PDIA3: variants seen among roughly 807,000 people sequenced by gnomAD.
The protein encoded by PDIA3 is protein disulfide isomerase family A member 3.
In PDIA3, 16 loss-of-function variants were observed where a neutral mutation model predicts 56.9. The observed-to-expected ratio is 0.28, with a 90% CI of 0.19 to 0.43. The LOEUF is 0.43. Ranked by LOEUF, PDIA3 falls within the 20% of genes least tolerant of loss-of-function variation. The pLI is 1.00. For missense variants in PDIA3, 485 were observed against 621.3 expected (o/e 0.78, Z 2.33); for synonymous variants, 192 against 216.5 (o/e 0.89, Z 0.99).
At chr15:43,746,777 T>C (rs2086709147) in intron 1 of PDIA3, 71 bp downstream of exon 1, 2 of 1,536,384 alleles carry the variant, frequency 1.3e-6, no homozygotes, top group South Asian at 1.1e-5. Flanking sequence ...GGGGAACTGT[T>C]GGGCCTACGC....
At position 43,768,491 on chromosome 15, in the gene PDIA3, G is replaced by A. The variant is rs61742242; in HGVS notation, c.1031G>A (p.Arg344His). ...EKFVMQEEFSRDGKALERFLQ... is the reference protein window; with the variant it reads ...EKFVMQEEFSHDGKALERFLQ... ...TTACCCTTGTTTTCCAATTGTAGGC[G>A]TGATGGGAAGGCTCTGGAGAGGTTC... The change falls in exon 9 of 13, where the codon CGT (arginine) becomes CAT (histidine). Residue 344 changes from arginine (R) to histidine (H), a missense_variant and splice_region_variant. Physicochemically the swap from Arg to His is conservative, Grantham distance 29. Transcript: ENST00000300289. 1.2e-6 allele frequency: 2 copies of A among 1,610,360 alleles called. No individual in the cohort carries two copies. Among genetic ancestry groups the A allele is most frequent in the Non-Finnish European group, 1.7e-6 (2 of 1,176,652 alleles).
rs535800039 is a variant in PDIA3, at chr15:43,753,839, G to A, written c.183G>A (p.Lys61=). 1 of 1,613,368 alleles carries A rather than the reference G, an allele frequency of 6.2e-7. No individual in the cohort carries two copies. The highest frequency in any genetic ancestry group is 8.5e-7 in the Non-Finnish European group (1 of 1,179,328). Residue 61 remains lysine (K), a synonymous_variant, in exon 2 of 13, where the codon AAG becomes AAA. Coordinates refer to ENST00000300289, the MANE Select transcript of PDIA3 (RefSeq NM_005313.5). ...EFFAPWCGHC[K]RLAPEYEAAA... ...ACGTATATAGGTGTGGACACTGCAA[G>A]AGACTTGCACCTGAGTATGAAGCTG...
chr15:43,755,123 C>T (rs528438916), intron 2 of PDIA3, among the ~76,000 whole-genome samples: 11 of 151,864 alleles, frequency 7.2e-5, no homozygotes, highest in African/African-American at 2.4e-4. Context: ...GTCAAGAGTT[C>T]GAGACCCGCC....
intron 1 of PDIA3, chr15:43,751,858 T>C: frequency 2.4e-6 from 2 of 816,964 alleles, no homozygotes; most frequent in Non-Finnish European, 3.4e-6. Context: ...CTATTGTATG[T>C]GATTTTTTTC....
intron 1 of PDIA3, 135 bp from the exon 2 acceptor site, chr15:43,753,689 A>G: frequency 1.6e-6 from 1 of 639,428 alleles, no homozygotes; most frequent in South Asian, 1.8e-5. Flanking sequence ...AATGTTGTTC[A>G]TGTGATGATT....
At chr15:43,753,091 AC>A in intron 1 of PDIA3, 1 of 254,940 alleles carries the variant, frequency 3.9e-6, no homozygotes, top group Non-Finnish European at 7.5e-6. Flanking sequence ...CCCCACCCCC[AC>A]CCCGAGACAG....
At chr15:43,762,178 G>A (rs2086820379) in intron 4 of PDIA3, among the ~76,000 whole-genome samples, 5 of 152,032 alleles carry the variant, frequency 3.3e-5, no homozygotes, top group Admixed American at 2.0e-4. Context: ...AAACATAAAA[G>A]CTATGTTTGT....
intron 10 of PDIA3, among the ~76,000 whole-genome samples, chr15:43,770,006 TAG>T (rs1357282877): frequency 6.6e-6 from 1 of 152,166 alleles, no homozygotes; most frequent in Admixed American, 6.5e-5. Flanking sequence ...TGGCAATATG[TAG>T]AGTCTTAATA....
Position 43,770,676 on chromosome 15 carries a change from A to T in PDIA3, c.1404+96A>T, listed in dbSNP as rs7181912. On this transcript the variant is annotated intron_variant, in intron 12 of 12. Transcript: ENST00000300289. ...TTAATTGGGTTTATTTATTTATTTA[A>T]TTATTTTTTGAGACGGAGTTTCGCT... is the stretch of plus-strand genomic sequence containing the variant. 0.82 allele frequency: 702,078 copies of T among 855,458 alleles called. 289,206 individuals are homozygous for T. The highest frequency in any genetic ancestry group is 0.99 in the East Asian group (37,183 of 37,558). 53.0% of individuals were successfully genotyped at this position (855,458 alleles called of 1,614,324 possible). A position where few individuals can be genotyped will look rare whatever the true frequency, so the allele number is the denominator to read the frequency against.
intron 3 of PDIA3, among the ~76,000 whole-genome samples, chr15:43,760,477 C>T (rs1014200239): frequency 6.7e-6 from 1 of 150,202 alleles, no homozygotes; most frequent in South Asian, 2.1e-4. Flanking sequence ...AACTGTGGCA[C>T]ATTTATAGTG....
At position 43,770,345 on chromosome 15, in the gene PDIA3, C is replaced by T. The variant is rs1346646837; in HGVS notation, c.1346+16C>T. On this transcript the variant is annotated intron_variant, in intron 11 of 12. Coordinates refer to ENST00000300289, the MANE Select transcript of PDIA3 (RefSeq NM_005313.5). Reference sequence around the variant, plus strand: ...AAGTCAGAGGGTAAGTGGCTTAAAACTTAACAAAAGTGTCTAGGCAATAGA... The same window carrying T: ...AAGTCAGAGGGTAAGTGGCTTAAAATTTAACAAAAGTGTCTAGGCAATAGA... 2 of 1,603,430 alleles carry T rather than the reference C, an allele frequency of 1.2e-6. No homozygotes were observed. Among genetic ancestry groups the T allele is most frequent in the African/African-American group, 1.3e-5 (1 of 74,716 alleles).
chr15:43,765,894 A>G lies in PDIA3; in HGVS notation c.727A>G (p.Ile243Val). 1 of 1,608,370 alleles carries G rather than the reference A, an allele frequency of 6.2e-7. No homozygotes were observed. The highest frequency in any genetic ancestry group is 1.1e-5 in the South Asian group (1 of 89,408). ...TGGATTATTTCATTTCAGTTTTGGT[A>G]TCTGCCCTCACATGACAGAAGACAA... ...KKFIQENIFGICPHMTEDNKD... is the reference protein window; with the variant it reads ...KKFIQENIFGVCPHMTEDNKD... The change falls in exon 7 of 13, where the codon ATC (isoleucine) becomes GTC (valine). Residue 243 changes from isoleucine to valine, a missense_variant. Coordinates refer to ENST00000300289, the MANE Select transcript of PDIA3 (RefSeq NM_005313.5).
rs747982647 is a variant in PDIA3, at chr15:43,768,533, A to G, written c.1073A>G (p.Asp358Gly). The G allele has an allele frequency of 6.2e-7, 1 of 1,614,018 alleles. No individual in the cohort carries two copies. Among genetic ancestry groups the G allele is most frequent in the Non-Finnish European group, 8.5e-7 (1 of 1,179,914 alleles). ...ALERFLQDYF[D>G]GNLKRYLKSE... ...GAGAGGTTCCTGCAGGATTACTTTG[A>G]TGGCAATCTGAAGAGATACCTGAAG... Residue 358 changes from aspartate to glycine, a missense_variant, in exon 9 of 13, where the codon GAT becomes GGT. Physicochemically the swap from Asp to Gly is moderately conservative, Grantham distance 94 (BLOSUM62 -1). Coordinates refer to ENST00000300289, the MANE Select transcript of PDIA3 (RefSeq NM_005313.5).
At chr15:43,746,799 C>G in intron 1 of PDIA3, 93 bp downstream of exon 1, 1 of 1,387,712 alleles carries the variant, frequency 7.2e-7, no homozygotes. Context: ...GCGCCGGGGC[C>G]CTTCATTCCT....
In PDIA3 at chr15:43,772,415, C is replaced by G. The variant is rs1194030314; in HGVS notation, c.*1197C>G. The G allele has an allele frequency of 6.6e-6, 1 of 152,200 alleles. No individual in the cohort carries two copies. The highest frequency in any genetic ancestry group is 2.4e-5 in the African/African-American group (1 of 41,450). The allele number at this position is 152,200 out of a possible 1,614,324, so 9.4% of individuals were successfully genotyped here. On this transcript the variant is annotated 3_prime_UTR_variant, in exon 13 of 13. Coordinates refer to ENST00000300289, the MANE Select transcript of PDIA3 (RefSeq NM_005313.5). ...TAGAGCCTTATAGTAAAGTATGTAT[C>G]TTGGTCACACACAAAGCTTGGAAAA...
chr15:43,753,912 G>A lies in PDIA3; in HGVS notation c.246+10G>A. ...AGTCCCATTAGCAAAGGTAAGTACA[G>A]GTGGATTCTTCACTAAAGGACGTGA... On this transcript the variant is annotated intron_variant, in intron 2 of 12. Coordinates refer to ENST00000300289, the MANE Select transcript of PDIA3 (RefSeq NM_005313.5). The A allele has an allele frequency of 1.9e-6, 3 of 1,587,004 alleles. No homozygotes were observed. The highest frequency in any genetic ancestry group is 2.6e-6 in the Non-Finnish European group (3 of 1,155,570).
In PDIA3 at chr15:43,769,656, A is replaced by C. The variant is rs565621598; in HGVS notation, c.1266+10A>C. Reference sequence around the variant, plus strand: ...AGAACTTGGCGAGAAGGTAAGTGTGAACCCTATTCTGAGGATAACATTTGA... The same window carrying C: ...AGAACTTGGCGAGAAGGTAAGTGTGCACCCTATTCTGAGGATAACATTTGA... On this transcript the variant is annotated intron_variant, in intron 10 of 12. Transcript: ENST00000300289. 3 of 1,613,086 alleles carry C rather than the reference A, an allele frequency of 1.9e-6. No individual in the cohort carries two copies. Among genetic ancestry groups the C allele is most frequent in the South Asian group, 2.2e-5 (2 of 90,904 alleles).
At chr15:43,746,757 G>A (rs779246468) in intron 1 of PDIA3, 51 bp downstream of exon 1, 2 of 1,596,880 alleles carry the variant, frequency 1.3e-6, no homozygotes, top group South Asian at 1.1e-5. Flanking sequence ...TGGGCCGGGG[G>A]CGAGAGCGCG....
chr15:43,771,261 G>C lies in PDIA3; in HGVS notation c.*43G>C, dbSNP rs781352135. 1.5e-6 allele frequency: 2 copies of C among 1,292,620 alleles called. No individual in the cohort carries two copies. Among genetic ancestry groups the C allele is most frequent in the South Asian group, 1.2e-5 (1 of 82,116 alleles). The allele number at this position is 1,292,620 out of a possible 1,614,324, so 80.1% of individuals were successfully genotyped here. On this transcript the variant is annotated 3_prime_UTR_variant, in exon 13 of 13. Transcript: ENST00000300289. ...ACTTTGTAAAAGGACTCTTCCATCA[G>C]AGATGGGAAAACCATTGGGGAGGAC...
Sources: gnomAD v4.1 joint callset for allele counts (sites outside exome capture counted in the v4.1 genomes callset) on GRCh38, gnomAD v4.1.1 for gene constraint, MANE v1.5 for transcripts, NCBI Gene and HGNC (gene_info 2026-07-23, HGNC 2026-07-21) for gene names.